The following PTPRF variants were observed in gnomAD, a reference collection of about 807,000 sequenced individuals.
The protein encoded by PTPRF is receptor-type tyrosine-protein phosphatase F.
In PTPRF, 59 loss-of-function variants were observed where a neutral mutation model predicts 201.8. The observed-to-expected ratio is 0.29, with a 90% CI of 0.24 to 0.36. The LOEUF is 0.36. PTPRF is among the 10% of genes least tolerant of loss of function. The pLI is 1.00. For missense variants in PTPRF, 2,132 were observed against 2,690.5 expected, an observed-to-expected ratio of 0.79 and a Z score of 4.59; for synonymous variants, 1,088 against 1,089.7, an observed-to-expected ratio of 1.00 and a Z score of 0.03.
upstream of PTPRF, among the ~76,000 whole-genome samples, chr1:43,525,994 G>C (rs1204939255): frequency 6.6e-6 from 1 of 151,914 alleles, no homozygotes; most frequent in Admixed American, 6.6e-5. Context: ...GTGGGGCCAA[G>C]GGAGGGAATT....
In PTPRF at chr1:43,622,283, T is replaced by C; in HGVS notation, c.*280T>C. Reference sequence around the variant, plus strand: ...CAAGCTCTCTGTTGCGCTCCCGCATTTCTCATGCTTCTTCTCATGGGGTGG... The same window carrying C: ...CAAGCTCTCTGTTGCGCTCCCGCATCTCTCATGCTTCTTCTCATGGGGTGG... On this transcript the variant is annotated 3_prime_UTR_variant, in exon 34 of 34. Transcript: ENST00000359947. 4.3e-6 allele frequency: 2 copies of C among 466,596 alleles called. No homozygotes were observed. The highest frequency in any genetic ancestry group is 7.2e-5 in the Admixed American group (2 of 27,802). The allele number at this position is 466,596 out of a possible 1,614,324, so 28.9% of individuals were successfully genotyped here.
intron 5 of PTPRF, among the ~76,000 whole-genome samples, chr1:43,565,858 G>C (rs1481334874): frequency 6.6e-6 from 1 of 152,146 alleles, no homozygotes; most frequent in African/African-American, 2.4e-5. Context: ...GCACGGACTC[G>C]GGCACACGCA....
chr1:43,575,794 T>G, intron 6 of PTPRF: 38 of 897,532 alleles, frequency 4.2e-5, no homozygotes, highest in Middle Eastern at 2.5e-4. Flanking sequence ...AATTTCTCCA[T>G]GTATTTAAGG....
rs1349236746 is a variant in PTPRF, at chr1:43,621,159, A to G, written c.5582A>G (p.Tyr1861Cys). ...AGCATCGTCCTGGAGCGCATGCGCT[A>G]CGAGGGCGTGGTCGACATGTTTCAG... ...TLSIVLERMR[Y>C]EGVVDMFQTV... is the part of the protein sequence containing the mutation. Residue 1861 changes from tyrosine (Y) to cysteine (C), a missense_variant, in exon 33 of 34, where the codon TAC (tyrosine) becomes TGC (cysteine). Coordinates refer to ENST00000359947, the MANE Select transcript of PTPRF (RefSeq NM_002840.5). 3 of 1,614,006 alleles carry G rather than the reference A, an allele frequency of 1.9e-6. No homozygotes were observed. Among genetic ancestry groups the G allele is most frequent in the South Asian group, 1.1e-5 (1 of 91,088 alleles).
rs369952718 is a variant in PTPRF at position 43,622,024 on chromosome 1, G to A, written c.*21G>A. The A allele has an allele frequency of 4.2e-5, 67 of 1,611,530 alleles. No homozygotes were observed. The highest frequency in any genetic ancestry group is 5.1e-5 in the Non-Finnish European group (60 of 1,178,336). On this transcript the variant is annotated 3_prime_UTR_variant, in exon 34 of 34. Transcript: ENST00000359947. ...CGTAACTACCGCTCCCCTCTCCTCC[G>A]CCACCCCCGCCGTGGGGCTCCGGAG...
chr1:43,621,537 C>G (rs1262524611), intron 33 of PTPRF, among the ~76,000 whole-genome samples: 1 of 152,200 alleles, frequency 6.6e-6, no homozygotes, highest in Non-Finnish European at 1.5e-5. Context: ...AACAAAAATG[C>G]TGCAACATTG....
chr1:43,557,743 T>C (rs1454897710), intron 5 of PTPRF, among the ~76,000 whole-genome samples: 1 of 151,996 alleles, frequency 6.6e-6, no homozygotes, highest in African/African-American at 2.4e-5. Context: ...CTGATGAGGC[T>C]GGGGAGAGTG....
Position 43,545,028 on chromosome 1 carries a change from C to A in PTPRF, c.-45-3C>A. 2 of 1,499,884 alleles carry A rather than the reference C, an allele frequency of 1.3e-6. No homozygotes were observed. The highest frequency in any genetic ancestry group is 9.0e-7 in the Non-Finnish European group (1 of 1,105,198). 92.9% of individuals were successfully genotyped at this position (1,499,884 alleles called of 1,614,324 possible). On this transcript the variant is annotated splice_region_variant and splice_polypyrimidine_tract_variant and intron_variant, in intron 2 of 33. Coordinates refer to ENST00000359947, the MANE Select transcript of PTPRF (RefSeq NM_002840.5). ...ACTGGCTCTGCCCTTCTCTCCATTA[C>A]AGGTTGATTGTCCTGGGCTGTGGCT...
At chr1:43,523,478 T>A (rs140565081), upstream of PTPRF, among the ~76,000 whole-genome samples, 194 of 152,048 alleles carry the variant, frequency 1.3e-3, 2 homozygotes, top group South Asian at 0.018. Context: ...CCAAGGAGAC[T>A]GAGAAGAAGA....
rs1441420459 is a variant in PTPRF at position 43,621,129 on chromosome 1, C to G, written c.5552C>G (p.Thr1851Ser). The G allele has an allele frequency of 1.9e-6, 3 of 1,614,038 alleles. No homozygotes were observed. Among genetic ancestry groups the G allele is most frequent in the Non-Finnish European group, 2.5e-6 (3 of 1,179,986 alleles). ...GTGGGCCGCACCGGGGTGTTCATCA[C>G]TCTGAGCATCGTCCTGGAGCGCATG... ...AGVGRTGVFI[T>S]LSIVLERMRY... The change falls in exon 33 of 34, where the codon ACT becomes AGT. Residue 1851 changes from threonine to serine, a missense_variant. This residue lies in a region of PTPRF where 519 missense variants were observed against 659.5 expected (regional missense o/e 0.79). Transcript: ENST00000359947.
chr1:43,618,253 A>G (rs969450296), intron 25 of PTPRF, among the ~76,000 whole-genome samples: 1 of 152,094 alleles, frequency 6.6e-6, no homozygotes, highest in Non-Finnish European at 1.5e-5. Context: ...ACATCTCCTA[A>G]GTTAATTAGT....
At chr1:43,621,022 G>A (rs774128736) in intron 32 of PTPRF, 30 bp downstream of exon 32, 1 of 1,610,302 alleles carries the variant, frequency 6.2e-7, no homozygotes, top group East Asian at 2.2e-5. Flanking sequence ...GGGCTGGGGT[G>A]GGTGGGCCTG....
intron 25 of PTPRF, 65 bp from the exon 26 acceptor site, chr1:43,618,565 C>A (rs951872530): frequency 7.7e-6 from 12 of 1,554,878 alleles, no homozygotes; most frequent in Admixed American, 5.3e-5. Flanking sequence ...GACCAGCCTC[C>A]ACCCTGCTTC....
In PTPRF at chr1:43,578,841, C is replaced by T. The variant is rs571441042; in HGVS notation, c.600C>T (p.Ser200=). ...TGCAGATAGAGAGCAGTGAGGAATC[C>T]GACCAAGGCAAGTACGAGTGTGTGG... ...GALQIESSEE[S]DQGKYECVAT... is the part of the protein sequence containing the mutation. The change falls in exon 7 of 34, where the codon TCC becomes TCT. Residue 200 remains serine (S), a synonymous_variant. Coordinates refer to ENST00000359947, the MANE Select transcript of PTPRF (RefSeq NM_002840.5). 9 of 1,614,124 alleles carry T rather than the reference C, an allele frequency of 5.6e-6. No homozygotes were observed. Among genetic ancestry groups the T allele is most frequent in the South Asian group, 2.2e-5 (2 of 91,078 alleles).
chr1:43,551,035 G>C (rs749687050), intron 3 of PTPRF, among the ~76,000 whole-genome samples: 8 of 152,200 alleles, frequency 5.3e-5, no homozygotes, highest in Non-Finnish European at 1.2e-4. Flanking sequence ...TGTTTGGAGA[G>C]TGATTCGGCA....
chr1:43,563,894 G>C (rs922408949), intron 5 of PTPRF, among the ~76,000 whole-genome samples: 1 of 152,120 alleles, frequency 6.6e-6, no homozygotes, highest in Non-Finnish European at 1.5e-5. Context: ...GGGTGTATGC[G>C]CAGGGCATGG....
intron 7 of PTPRF, chr1:43,579,728 A>ACC (rs3053224): frequency 0.11 from 17,048 of 160,152 alleles, 1,126 homozygotes; most frequent in African/African-American, 0.18. Context: ...AGCCCCTTCT[A>ACC]CCCTCATACT....
chr1:43,524,895 G>C (rs978403129), upstream of PTPRF, among the ~76,000 whole-genome samples: 3 of 152,230 alleles, frequency 2.0e-5, no homozygotes, highest in African/African-American at 7.2e-5. Flanking sequence ...AGCCGTTACA[G>C]AGAGTGCGGT....
At position 43,558,657 on chromosome 1, in the gene PTPRF, C is replaced by T. The variant is rs368004994; in HGVS notation, c.379+4716C>T. On this transcript the variant is annotated intron_variant, in intron 5 of 33. Coordinates refer to ENST00000359947, the MANE Select transcript of PTPRF (RefSeq NM_002840.5). ...GGCAGGAAAAGCTCTTCTCGCTCCGCACTCTTGAGGCGGCGGCTGAATCAC... is the reference window on the plus strand; with the variant it reads ...GGCAGGAAAAGCTCTTCTCGCTCCGTACTCTTGAGGCGGCGGCTGAATCAC... Among the ~76,000 whole-genome samples, 37 of 152,344 alleles carry T rather than the reference C, an allele frequency of 2.4e-4. No homozygotes were observed. The East Asian group carries it at 6.4e-3, about 26-fold the overall frequency.
Sources: allele counts gnomAD v4.1 joint callset (sites outside exome capture counted in the v4.1 genomes callset), GRCh38; gene constraint gnomAD v4.1.1; regional missense constraint gnomAD v4.1.1; transcripts MANE v1.5; gene names NCBI Gene and HGNC (gene_info 2026-07-23, HGNC 2026-07-21).